Variants in DDX3X observed in about 807,000 individuals in gnomAD.
DDX3X encodes the protein DEAD-box helicase 3 X-linked.
In DDX3X, 4 loss-of-function variants were observed where a neutral mutation model predicts 52.7. The ratio of observed to expected loss-of-function variants is 0.08; its 90% CI spans 0.04 to 0.17. The LOEUF (loss-of-function observed/expected upper bound fraction) is 0.17, where lower values mean the gene tolerates loss of function less well. Among genes scored for constraint, DDX3X ranks in the 10% least tolerant of loss-of-function variants. DDX3X has a pLI of 1.00. For missense variants in DDX3X, 222 were observed against 548.6 expected, an observed-to-expected ratio of 0.40 and a Z score of 5.95; for synonymous variants, 192 against 178.1, an observed-to-expected ratio of 1.08 and a Z score of -0.62.
intron 3 of DDX3X, chrX:41,340,971 A>C (rs1340453592): frequency 3.7e-6 from 1 of 270,001 alleles, no homozygotes; most frequent in Non-Finnish European, 6.5e-6. Flanking sequence ...AGATTGCTTG[A>C]TTTAGTGTAA....
chrX:41,342,318 G>A lies in DDX3X; in HGVS notation c.285-177G>A. On this transcript the variant is annotated intron_variant, in intron 4 of 16. Transcript: ENST00000644876. ...GTAAAGATTACTGATTTTAGAAAAC[G>A]AGGTTATGTAAATGATGCTGGTTAG... 8 of 469,304 alleles carry A rather than the reference G, an allele frequency of 1.7e-5. No homozygotes were observed. The South Asian group carries it at 3.4e-4, about 20-fold the overall frequency. 38.7% of individuals were successfully genotyped at this position (469,304 alleles called of 1,213,427 possible). A position where few individuals can be genotyped will look rare whatever the true frequency, so the allele number is the denominator to read the frequency against.
At chrX:41,361,174 A>G (rs1028410062) in intron 5 of DDX3X, among the ~76,000 whole-genome samples, 2 of 101,897 alleles carry the variant, frequency 2.0e-5, no homozygotes, top group African/African-American at 7.3e-5. Context: ...CCTTATTTTT[A>G]TTCTACTCTA....
Position 41,347,277 on chromosome X carries a change from T to G in DDX3X, c.1770-35T>G, listed in dbSNP as rs145671179. Reference sequence around the variant, plus strand: ...GTTAGGTTACTTTAGTGGAATTTCATCTTCATGTGAACCAACATAATTTTT... The same window carrying G: ...GTTAGGTTACTTTAGTGGAATTTCAGCTTCATGTGAACCAACATAATTTTT... On this transcript the variant is annotated intron_variant, in intron 15 of 16. Transcript: ENST00000644876. The G allele has an allele frequency of 7.1e-3, 8,379 of 1,180,147 alleles. 32 individuals are homozygous for G. The highest frequency in any genetic ancestry group is 0.011 in the Middle Eastern group (45 of 4,030).
rs1309663175 is a variant in DDX3X at position 41,337,427 on chromosome X, A to G, written c.65A>G (p.Asn22Ser). ...TTCTAGTTTGCTGGCCTAGACCTGAACTCTTCAGATAATCAGAGTGGAGGA... is the reference window on the plus strand; with the variant it reads ...TTCTAGTTTGCTGGCCTAGACCTGAGCTCTTCAGATAATCAGAGTGGAGGA... ...LDQQFAGLDL[N>S]SSDNQSGGST... The change falls in exon 2 of 17, where the codon AAC (asparagine) becomes AGC (serine). Residue 22 changes from asparagine to serine, a missense_variant. By Grantham distance (46) the Asn-to-Ser change is conservative. Transcript: ENST00000644876. The G allele has an allele frequency of 1.7e-6, 2 of 1,207,925 alleles. No homozygotes were observed. Among genetic ancestry groups the G allele is most frequent in the Admixed American group, 2.2e-5 (1 of 45,457 alleles).
chrX:41,344,425 TTTG>T, intron 10 of DDX3X, 26 bp downstream of exon 10: 1 of 1,191,882 alleles, frequency 8.4e-7, no homozygotes, highest in Non-Finnish European at 1.1e-6. Context: ...TTTTTGTTTT[TTTG>T]TTTTGTTTTG....
At chrX:41,353,121 C>T (rs751845208), downstream of DDX3X, among the ~76,000 whole-genome samples, 2 of 110,412 alleles carry the variant, frequency 1.8e-5, no homozygotes, top group South Asian at 3.8e-4. Context: ...TTTTTGCTCA[C>T]CATGTTCCTT....
intron 2 of DDX3X, chrX:41,338,319 C>A (rs2063800140): frequency 9.0e-6 from 1 of 111,324 alleles, no homozygotes; most frequent in Non-Finnish European, 1.9e-5. Context: ...TTAACTTTCA[C>A]CTTATTTGTC....
chrX:41,346,174 T>G lies in DDX3X; in HGVS notation c.1316-55T>G. 6.6e-6 allele frequency: 7 copies of G among 1,057,266 alleles called. No homozygotes were observed. The South Asian group carries it at 1.5e-4, about 22-fold the overall frequency. 87.1% of individuals were successfully genotyped at this position (1,057,266 alleles called of 1,213,427 possible). Reference sequence around the variant, plus strand: ...CACATTAAAATTGTGCATACATAAGTGCAAAGAGAACTAAGCCATGTTAGT... The same window carrying G: ...CACATTAAAATTGTGCATACATAAGGGCAAAGAGAACTAAGCCATGTTAGT... On this transcript the variant is annotated intron_variant, in intron 12 of 16. Coordinates refer to ENST00000644876, the MANE Select transcript of DDX3X (RefSeq NM_001356.5).
intron 1 of DDX3X, chrX:41,336,371 T>C (rs1206838103): frequency 8.9e-6 from 1 of 111,796 alleles, no homozygotes; most frequent in African/African-American, 3.3e-5. Flanking sequence ...AGGGGATAGG[T>C]AGAAATAGAG....
rs762048074 is a variant in DDX3X, at chrX:41,346,497, T to C, written c.1498-8T>C. Reference sequence around the variant, plus strand: ...AGTGGGCCATATCTCATAAAAGTTATTTTCCAGGTAGCAGCAAGAGGACTG... The same window carrying C: ...AGTGGGCCATATCTCATAAAAGTTACTTTCCAGGTAGCAGCAAGAGGACTG... On this transcript the variant is annotated splice_polypyrimidine_tract_variant and splice_region_variant and intron_variant, in intron 13 of 16. Transcript: ENST00000644876. 8.3e-6 allele frequency: 10 copies of C among 1,202,759 alleles called. No homozygotes were observed. Among genetic ancestry groups the C allele is most frequent in the Admixed American group, 2.2e-5 (1 of 44,647 alleles).
At chrX:41,353,605 T>TA (rs60207564), downstream of DDX3X, among the ~76,000 whole-genome samples, 1,723 of 88,437 alleles carry the variant, frequency 0.019, 18 homozygotes, top group Middle Eastern at 0.06. Flanking sequence ...CCGTCTCTAC[T>TA]AAAAAAAAAA....
At chrX:41,336,671 G>A (rs2063774678) in intron 1 of DDX3X, 2 of 111,292 alleles carry the variant, frequency 1.8e-5, no homozygotes, top group Admixed American at 1.9e-4. Context: ...TCGGGGAGGT[G>A]GAGGTTGCAG....
At chrX:41,355,467 C>G (rs758303056) in intron 5 of DDX3X, among the ~76,000 whole-genome samples, 2 of 109,115 alleles carry the variant, frequency 1.8e-5, no homozygotes, top group South Asian at 7.9e-4. Flanking sequence ...TGTTATTATT[C>G]TTACTATTAT....
rs1296063643 is a variant in DDX3X, at chrX:41,342,554, G to A, written c.344G>A (p.Gly115Asp). 8.3e-7 allele frequency: 1 copy of A among 1,210,180 alleles called. No individual in the cohort carries two copies. The highest frequency in any genetic ancestry group is 1.7e-5 in the African/African-American group (1 of 57,237). The change falls in exon 5 of 17, where the codon GGC becomes GAC. Residue 115 changes from glycine (G) to aspartate (D), a missense_variant. By Grantham distance (94) the Gly-to-Asp change is moderately conservative. This residue lies in a region of DDX3X where 93 missense variants were observed against 123.7 expected (regional missense o/e 0.75). Coordinates refer to ENST00000644876, the MANE Select transcript of DDX3X (RefSeq NM_001356.5). ...ATTGGCAGCCGTGGTGACAGAAGTG[G>A]CTTTGGCAAATTTGAACGTGGTGGA... ...DGIGSRGDRS[G>D]FGKFERGGNS...
At chrX:41,341,405 T>G in intron 3 of DDX3X, 79 bp from the exon 4 acceptor site, 2 of 888,310 alleles carry the variant, frequency 2.3e-6, no homozygotes, top group Non-Finnish European at 3.1e-6. Context: ...GCTTTCAAAT[T>G]CAGAAAGATT....
At chrX:41,351,192 T>C (rs760108365), downstream of DDX3X, 7 of 111,825 alleles carry the variant, frequency 6.3e-5, no homozygotes, top group African/African-American at 1.3e-4. Flanking sequence ...GTTTCCACTT[T>C]ATGTGAATGA....
At position 41,348,945 on chromosome X, in the gene DDX3X, A is replaced by C. The variant is rs908822334; in HGVS notation, c.*1226A>C. The C allele has an allele frequency of 4.5e-5, 5 of 112,316 alleles. No homozygotes were observed. The highest frequency in any genetic ancestry group is 1.6e-4 in the African/African-American group (5 of 30,834). The allele number at this position is 112,316 out of a possible 1,213,427, so 9.3% of individuals were successfully genotyped here. On this transcript the variant is annotated 3_prime_UTR_variant, in exon 17 of 17. Coordinates refer to ENST00000644876, the MANE Select transcript of DDX3X (RefSeq NM_001356.5). Reference sequence around the variant, plus strand: ...TCTGCTCTACAGTGCAGTTTTAGTCAGTTTTAGTTGCATAGGTTTCCATTG... The same window carrying C: ...TCTGCTCTACAGTGCAGTTTTAGTCCGTTTTAGTTGCATAGGTTTCCATTG...
intron 1 of DDX3X, chrX:41,334,508 G>T: frequency 2.7e-6 from 3 of 1,096,210 alleles, no homozygotes; most frequent in Non-Finnish European, 3.6e-6. Flanking sequence ...TATTGTCCCC[G>T]GGACGAGCAC....
chrX:41,342,722 A>AT lies in DDX3X; in HGVS notation c.444-9dup. Reference sequence around the variant, plus strand: ...GCTAGTATAACAAATGAACTTATCCATTTTTTGATTTGAGGGAACTCTTTT... The same window carrying AT: ...GCTAGTATAACAAATGAACTTATCCATTTTTTTGATTTGAGGGAACTCTTTT... On this transcript the variant is annotated splice_polypyrimidine_tract_variant and intron_variant, in intron 5 of 16. Transcript: ENST00000644876. 5 of 1,209,016 alleles carry AT rather than the reference A, an allele frequency of 4.1e-6. No individual in the cohort carries two copies. The highest frequency in any genetic ancestry group is 2.2e-6 in the Non-Finnish European group (2 of 893,130).
Sources: gnomAD v4.1 joint callset for allele counts (sites outside exome capture counted in the v4.1 genomes callset) on GRCh38, gnomAD v4.1.1 for gene constraint, gnomAD v4.1.1 regional missense constraint, MANE v1.5 for transcripts, NCBI Gene and HGNC (gene_info 2026-07-23, HGNC 2026-07-21) for gene names.